Variants in ANO10 observed in about 807,000 individuals in gnomAD.
ANO10 encodes anoctamin 10.
ANO10 carries 77 observed loss-of-function variants against 74.7 expected under a neutral mutation model. The ratio of observed to expected loss-of-function variants is 1.03; its 90% CI spans 0.86 to 1.25. The LOEUF (loss-of-function observed/expected upper bound fraction) is 1.25, where lower values mean the gene tolerates loss of function less well. ANO10 is among the 50% of genes most tolerant of loss of function. ANO10 has a pLI of 0.00. For synonymous variants in ANO10, 279 were observed against 284.9 expected, an observed-to-expected ratio of 0.98 and a Z score of 0.21; for missense variants, 721 against 778.1, an observed-to-expected ratio of 0.93 and a Z score of 0.87.
chr3:43,460,101 G>C (rs951752710), intron 11 of ANO10, among the ~76,000 whole-genome samples: 9 of 152,076 alleles, frequency 5.9e-5, no homozygotes. Flanking sequence ...ATGGGAAGAA[G>C]GCCATCAGCA....
At chr3:43,649,676 C>T (rs1461809973) in intron 1 of ANO10, among the ~76,000 whole-genome samples, 5 of 152,146 alleles carry the variant, frequency 3.3e-5, no homozygotes, top group Non-Finnish European at 7.4e-5. Flanking sequence ...AACTAATGCC[C>T]TCAAATCATA....
chr3:43,662,627 A>T (rs796373493), intron 1 of ANO10, among the ~76,000 whole-genome samples: 18 of 152,248 alleles, frequency 1.2e-4, no homozygotes, highest in African/African-American at 4.3e-4. Context: ...TTTTGAAAAG[A>T]TCAACAAAAT....
chr3:43,509,186 G>A (rs1411870658), intron 11 of ANO10, among the ~76,000 whole-genome samples: 1 of 151,976 alleles, frequency 6.6e-6, no homozygotes, highest in Non-Finnish European at 1.5e-5. Context: ...CTTGGACACA[G>A]GGTGGGGAAC....
intron 1 of ANO10, among the ~76,000 whole-genome samples, chr3:43,628,245 G>A (rs2083511248): frequency 6.6e-6 from 1 of 152,128 alleles, no homozygotes; most frequent in African/African-American, 2.4e-5. Flanking sequence ...AAGATTTCAT[G>A]GACATTTATT....
chr3:43,688,716 T>G (rs1575594386), intron 1 of ANO10, among the ~76,000 whole-genome samples: 1 of 151,694 alleles, frequency 6.6e-6, no homozygotes, highest in South Asian at 2.1e-4. Context: ...TGGTGGCGGG[T>G]GCCTGGAATC....
intron 11 of ANO10, among the ~76,000 whole-genome samples, chr3:43,439,792 G>A (rs1220426040): frequency 6.6e-6 from 1 of 152,058 alleles, no homozygotes; most frequent in Non-Finnish European, 1.5e-5. Context: ...GGGGTGGGAG[G>A]ATCACCTGAG....
intron 4 of ANO10, among the ~76,000 whole-genome samples, chr3:43,595,820 T>C (rs1036975180): frequency 4.6e-5 from 7 of 152,154 alleles, no homozygotes; most frequent in African/African-American, 9.7e-5. Context: ...GGAAGTCAAA[T>C]TGTCCCTGTT....
At chr3:43,690,061 T>A (rs1457119571) in intron 1 of ANO10, 1 of 107,664 alleles carries the variant, frequency 9.3e-6, no homozygotes, top group African/African-American at 5.1e-5. Context: ...AAACATAGAC[T>A]TTTTTTTTTT....
intron 11 of ANO10, among the ~76,000 whole-genome samples, chr3:43,462,014 G>A (rs987719311): frequency 6.6e-6 from 1 of 152,206 alleles, no homozygotes; most frequent in Non-Finnish European, 1.5e-5. Context: ...CTAGGCTGAG[G>A]TGGACTCAGA....
intron 12 of ANO10, among the ~76,000 whole-genome samples, chr3:43,401,885 C>T (rs1049719778): frequency 2.0e-5 from 3 of 152,230 alleles, no homozygotes; most frequent in African/African-American, 7.2e-5. Flanking sequence ...GGCTCAGGCA[C>T]ATGCTATCTT....
In ANO10 at chr3:43,555,450, A is replaced by G. The variant is rs1187971566; in HGVS notation, c.1496T>C (p.Leu499Ser). ...ATAACCAAACTGCAGGAATAACTCC[A>G]AGTAATCATCAAAGGTGCCCTGAAA... ...GTYLGTFDDY[L>S]ELFLQFGYVS... Residue 499 changes from leucine to serine, a missense_variant, in exon 10 of 13, where the codon TTG becomes TCG. Coordinates refer to ENST00000292246, the MANE Select transcript of ANO10 (RefSeq NM_018075.5). The G allele has an allele frequency of 1.2e-6, 2 of 1,614,046 alleles. No individual in the cohort carries two copies. Among genetic ancestry groups the G allele is most frequent in the Non-Finnish European group, 1.7e-6 (2 of 1,180,026 alleles).
At chr3:43,431,119 C>CGGGA (rs2092974207) in intron 12 of ANO10, among the ~76,000 whole-genome samples, 1 of 151,060 alleles carries the variant, frequency 6.6e-6, no homozygotes, top group Non-Finnish European at 1.5e-5. Flanking sequence ...GTTACCCAGG[C>CGGGA]GGGAGTGCAG....
intron 11 of ANO10, among the ~76,000 whole-genome samples, chr3:43,538,281 T>C (rs995523552): frequency 6.6e-6 from 1 of 152,084 alleles, no homozygotes; most frequent in African/African-American, 2.4e-5. Context: ...GGTCTACACA[T>C]TGACAAATAT....
At position 43,565,697 on chromosome 3, in the gene ANO10, AGAGT is replaced by A; in HGVS notation, c.1245_1248del (p.Leu416SerfsTer7). 4 of 1,575,178 alleles carry A rather than the reference AGAGT, an allele frequency of 2.5e-6. No homozygotes were observed. Among genetic ancestry groups the A allele is most frequent in the Non-Finnish European group, 3.5e-6 (4 of 1,159,232 alleles). ...TCTTTCAAGACAAAGGCAATATAGA[AGAGT>A]GAGGCAAAGCAATTGAGGAAGTTGA... On this transcript the variant is annotated frameshift_variant, in exon 8 of 13. Coordinates refer to ENST00000292246, the MANE Select transcript of ANO10 (RefSeq NM_018075.5). LOFTEE classifies it high-confidence loss of function.
upstream of ANO10, among the ~76,000 whole-genome samples, chr3:43,626,295 CTTTT>C (rs776440890): frequency 1.5e-5 from 2 of 135,636 alleles, no homozygotes; most frequent in Admixed American, 7.4e-5. Flanking sequence ...ATGTTCTTCA[CTTTT>C]TTTTTTTTTT....
At chr3:43,645,125 T>C (rs1197236586) in intron 1 of ANO10, among the ~76,000 whole-genome samples, 3 of 152,238 alleles carry the variant, frequency 2.0e-5, no homozygotes, top group African/African-American at 7.2e-5. Context: ...GTGATTCAAC[T>C]TGATTATTCA....
intron 11 of ANO10, among the ~76,000 whole-genome samples, chr3:43,489,305 A>C (rs966018315): frequency 6.6e-6 from 1 of 152,050 alleles, no homozygotes; most frequent in African/African-American, 2.4e-5. Context: ...ATGTACCCTA[A>C]AACTTAAAGT....
intron 7 of ANO10, 63 bp from the exon 8 acceptor site, chr3:43,565,790 CTG>C: frequency 6.7e-7 from 1 of 1,489,692 alleles, no homozygotes; most frequent in Non-Finnish European, 9.1e-7. Context: ...TTTACTACAA[CTG>C]TAATGCAGCA....
upstream of ANO10, among the ~76,000 whole-genome samples, chr3:43,623,588 T>A (rs1039080777): frequency 6.6e-6 from 1 of 152,224 alleles, no homozygotes; most frequent in Non-Finnish European, 1.5e-5. Context: ...CATCCAGCTT[T>A]GGCCAGATCA....
Sources: gnomAD v4.1 joint callset for allele counts (sites outside exome capture counted in the v4.1 genomes callset) on GRCh38, gnomAD v4.1.1 for gene constraint, MANE v1.5 for transcripts, NCBI Gene and HGNC (gene_info 2026-07-23, HGNC 2026-07-21) for gene names.